TBC1D31: variants seen among roughly 807,000 people sequenced by gnomAD.
The protein encoded by TBC1D31 is WD repeat domain 67.
In TBC1D31, 99 loss-of-function variants were observed where a neutral mutation model predicts 132.9. The ratio of observed to expected loss-of-function variants is 0.74; its 90% CI spans 0.63 to 0.88. The LOEUF (loss-of-function observed/expected upper bound fraction) is 0.88. TBC1D31 is among the 40% of genes least tolerant of loss of function. The probability of loss-of-function intolerance (pLI) is 0.00; values close to 1 mark genes in which losing one functional copy is unlikely to be tolerated. For synonymous variants in TBC1D31, 385 were observed against 419.4 expected (o/e 0.92, Z 1.00); for missense variants, 1,134 against 1,256.6 (o/e 0.90, Z 1.48).
chr8:123,107,263 G>A (rs572568957), intron 8 of TBC1D31, among the ~76,000 whole-genome samples: 62 of 152,214 alleles, frequency 4.1e-4, no homozygotes, highest in Admixed American at 8.5e-4. Flanking sequence ...GGCTCAGACC[G>A]GCTTGTGTTC....
At chr8:123,130,682 C>T (rs1458083162) in intron 16 of TBC1D31, among the ~76,000 whole-genome samples, 1 of 147,574 alleles carries the variant, frequency 6.8e-6, no homozygotes, top group Non-Finnish European at 1.5e-5. Context: ...AGTGCAGTGG[C>T]GTGACCTCAG....
chr8:123,127,925 T>C (rs917486354), intron 13 of TBC1D31: 1 of 163,172 alleles, frequency 6.1e-6, no homozygotes, highest in African/African-American at 2.4e-5. Flanking sequence ...TTTTTAGATA[T>C]TTTTAAAGAA....
In TBC1D31 at chr8:123,134,179, C is replaced by T. The variant is rs188711733; in HGVS notation, c.2472C>T (p.Leu824=). 3 of 1,613,794 alleles carry T rather than the reference C, an allele frequency of 1.9e-6. No individual in the cohort carries two copies. Among genetic ancestry groups the T allele is most frequent in the Non-Finnish European group, 2.5e-6 (3 of 1,179,844 alleles). ...ARDLEMRQLE[L]ESQKRLYEKN... is the part of the protein sequence containing the mutation. ...ACCTAGAAATGAGACAGCTGGAACT[C>T]GAATCACAAAAGAGACTTTATGAGA... is the stretch of plus-strand genomic sequence containing the variant. The change falls in exon 17 of 22, where the codon CTC becomes CTT. Residue 824 remains leucine (L), a synonymous_variant. Transcript: ENST00000287380.
chr8:123,126,190 G>C lies in TBC1D31; in HGVS notation c.1704+1G>C. The C allele has an allele frequency of 6.2e-7, 1 of 1,604,214 alleles. No individual in the cohort carries two copies. The highest frequency in any genetic ancestry group is 8.5e-7 in the Non-Finnish European group (1 of 1,176,950). ...CATAGATCATGATATAACCTCCCAG[G>C]TAAGAAGCATAAGGTTTTTAGAATA... On this transcript the variant is annotated splice_donor_variant, in intron 12 of 21. Transcript: ENST00000287380. LOFTEE classifies it high-confidence loss of function.
chr8:123,105,421 G>C lies in TBC1D31; in HGVS notation c.1166G>C (p.Arg389Thr). ...TCTAGGGAAAGCAAAATGCAAACTA[G>C]AATATTAAAACAAGACCTGACTGGT... is the stretch of plus-strand genomic sequence containing the variant. The part of the protein sequence containing the change: ...AKSRESKMQT[R>T]ILKQDLTGDF... Residue 389 changes from arginine to threonine, a missense_variant, in exon 8 of 22, where the codon AGA (arginine) becomes ACA (threonine). Transcript: ENST00000287380. 2 of 1,612,206 alleles carry C rather than the reference G, an allele frequency of 1.2e-6. No individual in the cohort carries two copies. Among genetic ancestry groups the C allele is most frequent in the Non-Finnish European group, 1.7e-6 (2 of 1,179,152 alleles).
At chr8:123,126,417 A>G in intron 12 of TBC1D31, 91 bp from the exon 13 acceptor site, 1 of 1,276,274 alleles carries the variant, frequency 7.8e-7, no homozygotes, top group Non-Finnish European at 1.1e-6. Flanking sequence ...TATGATTTTC[A>G]TAGCTTAAAT....
chr8:123,110,507 A>C (rs985216850), intron 10 of TBC1D31, among the ~76,000 whole-genome samples: 1 of 152,150 alleles, frequency 6.6e-6, no homozygotes, highest in African/African-American at 2.4e-5. Flanking sequence ...GACTTTTTTT[A>C]AAAATAATTT....
At chr8:123,092,612 T>G (rs892384825) in intron 4 of TBC1D31, among the ~76,000 whole-genome samples, 1 of 151,464 alleles carries the variant, frequency 6.6e-6, no homozygotes, top group African/African-American at 2.4e-5. Context: ...TTTGTGGGAG[T>G]AATATATATA....
chr8:123,146,326 A>C (rs7006862), intron 20 of TBC1D31, among the ~76,000 whole-genome samples: 30,947 of 151,934 alleles, frequency 0.2, 3,251 homozygotes, highest in African/African-American at 0.24. Flanking sequence ...GTCACTCCCC[A>C]TTTCCACTCA....
Position 123,082,757 on chromosome 8 carries a change from C to T in TBC1D31, c.280C>T (p.Arg94Cys), listed in dbSNP as rs375186187. ...QACTALAFNLRRKSEFLVALA... is the reference protein window; with the variant it reads ...QACTALAFNLCRKSEFLVALA... ...TTGCACAGCTCTGGCCTTTAATCTT[C>T]GTAGGAAATCTGAATTCCTTGTGGC... Residue 94 changes from arginine (R) to cysteine (C), a missense_variant, in exon 3 of 22, where the codon CGT (arginine) becomes TGT (cysteine). Coordinates refer to ENST00000287380, the MANE Select transcript of TBC1D31 (RefSeq NM_145647.4). 1.1e-5 allele frequency: 17 copies of T among 1,613,202 alleles called. No individual in the cohort carries two copies. The highest frequency in any genetic ancestry group is 3.3e-5 in the Admixed American group (2 of 60,002).
At chr8:123,118,213 T>C (rs759093574) in intron 10 of TBC1D31, among the ~76,000 whole-genome samples, 1 of 151,968 alleles carries the variant, frequency 6.6e-6, no homozygotes, top group Non-Finnish European at 1.5e-5. Flanking sequence ...AAAAATGATA[T>C]CAGTGGAAAA....
At chr8:123,117,536 C>T (rs1192680227) in intron 10 of TBC1D31, among the ~76,000 whole-genome samples, 3 of 151,482 alleles carry the variant, frequency 2.0e-5, no homozygotes, top group Non-Finnish European at 4.4e-5. Flanking sequence ...GGGCGGATGA[C>T]GAGGTCAGGA....
intron 11 of TBC1D31, 76 bp from the exon 12 acceptor site, chr8:123,125,980 A>G (rs943795960): frequency 2.7e-6 from 3 of 1,125,974 alleles, no homozygotes; most frequent in Non-Finnish European, 3.6e-6. Context: ...AAGATTGGAT[A>G]CATTTAAGAA....
downstream of TBC1D31, among the ~76,000 whole-genome samples, chr8:123,156,509 G>A (rs79593902): frequency 7.1e-4 from 108 of 151,592 alleles, no homozygotes; most frequent in East Asian, 0.02. Flanking sequence ...AGAGTTGAAA[G>A]ATGAAGGGCT....
At chr8:123,122,430 C>T (rs1195207489) in intron 11 of TBC1D31, among the ~76,000 whole-genome samples, 1 of 152,094 alleles carries the variant, frequency 6.6e-6, no homozygotes, top group African/African-American at 2.4e-5. Context: ...GTGAAATACA[C>T]TAGATACAAA....
In TBC1D31 at chr8:123,084,241, T is replaced by G. The variant is rs1000294610; in HGVS notation, c.420T>G (p.Tyr140Ter). 1.2e-6 allele frequency: 2 copies of G among 1,614,158 alleles called. No homozygotes were observed. Among genetic ancestry groups the G allele is most frequent in the African/African-American group, 2.7e-5 (2 of 75,050 alleles). ...TCTCTGTGCATGCATCAGGGAAATA[T>G]GCCATCACAACTTCTTCTGATACAG... ...FSISVHASGKYAITTSSDTAQ... is the reference protein window; with the variant it reads ...FSISVHASGK Residue 140 changes from tyrosine to a stop codon, truncating the protein, a stop_gained, in exon 4 of 22, where the codon TAT (tyrosine) becomes TAG (stop). Coordinates refer to ENST00000287380, the MANE Select transcript of TBC1D31 (RefSeq NM_145647.4). LOFTEE classifies it high-confidence loss of function.
chr8:123,092,808 A>ATTTT (rs71573666), intron 4 of TBC1D31, among the ~76,000 whole-genome samples: 5 of 103,528 alleles, frequency 4.8e-5, no homozygotes, highest in Admixed American at 1.1e-4. Context: ...CACCCGGCTA[A>ATTTT]TTTTTTTTTT....
intron 5 of TBC1D31, among the ~76,000 whole-genome samples, chr8:123,094,624 C>T (rs986763225): frequency 6.6e-6 from 1 of 152,016 alleles, no homozygotes; most frequent in Non-Finnish European, 1.5e-5. Flanking sequence ...ACTGCAACCT[C>T]CACCTCCCAG....
intron 20 of TBC1D31, among the ~76,000 whole-genome samples, chr8:123,145,179 C>T (rs1351671406): frequency 1.3e-5 from 2 of 152,336 alleles, no homozygotes; most frequent in Non-Finnish European, 2.9e-5. Flanking sequence ...CCCGCCTTGC[C>T]TCTCAAAGTG....
Sources: gnomAD v4.1 joint callset for allele counts (sites outside exome capture counted in the v4.1 genomes callset) on GRCh38, gnomAD v4.1.1 for gene constraint, MANE v1.5 for transcripts, NCBI Gene and HGNC (gene_info 2026-07-23, HGNC 2026-07-21) for gene names.